The following ZBTB20 variants were observed in gnomAD, a reference collection of about 807,000 sequenced individuals.
ZBTB20 encodes zinc finger and BTB domain-containing protein 20.
A neutral mutation model predicts 56.9 loss-of-function variants in ZBTB20; 9 were observed. The observed-to-expected ratio is 0.16, with a 90% CI of 0.10 to 0.28. The LOEUF is 0.28. Among genes scored for constraint, ZBTB20 ranks in the 10% least tolerant of loss-of-function variants. The pLI is 1.00. For synonymous variants in ZBTB20, 417 were observed against 420.7 expected (o/e 0.99, Z 0.11); for missense variants, 655 against 1,003.0 (o/e 0.65, Z 4.69).
chr3:115,137,502 T>G (rs2084682948), intron 1 of ZBTB20, among the ~76,000 whole-genome samples: 1 of 152,092 alleles, frequency 6.6e-6, no homozygotes, highest in African/African-American at 2.4e-5. Flanking sequence ...ACTACTACTC[T>G]GATAGAAATG....
intron 2 of ZBTB20, among the ~76,000 whole-genome samples, chr3:114,985,766 C>G (rs994697677): frequency 6.6e-6 from 1 of 152,140 alleles, no homozygotes; most frequent in Non-Finnish European, 1.5e-5. Context: ...CTGACTATAC[C>G]TAGCCTTGAC....
Position 114,563,360 on chromosome 3 carries a change from T to A in ZBTB20, c.-294-62969A>T, listed in dbSNP as rs1193108398. ...AAAATGATGAAAATAAGGTACATTA[T>A]TAGCCTGAACTTTGCATAACTCTAA... On this transcript the variant is annotated intron_variant, in intron 6 of 11. Coordinates refer to ENST00000675478, the MANE Select transcript of ZBTB20 (RefSeq NM_001348800.3). 7.2e-5 allele frequency among the ~76,000 whole-genome samples: 11 copies of A among 152,334 alleles called. No individual in the cohort carries two copies. The East Asian group carries it at 2.1e-3, about 29-fold the overall frequency.
intron 4 of ZBTB20, among the ~76,000 whole-genome samples, chr3:114,854,481 AG>A (rs1199901134): frequency 9.9e-5 from 15 of 152,118 alleles, no homozygotes; most frequent in African/African-American, 3.6e-4. Context: ...CCTCTTCTCC[AG>A]TACATTTGTA....
intron 7 of ZBTB20, among the ~76,000 whole-genome samples, chr3:114,423,192 T>C (rs958674403): frequency 1.3e-5 from 2 of 152,192 alleles, no homozygotes; most frequent in Non-Finnish European, 2.9e-5. Context: ...CATGGAACAC[T>C]CTTTAACCAC....
intron 4 of ZBTB20, among the ~76,000 whole-genome samples, chr3:114,818,382 A>G (rs1054738719): frequency 2.6e-5 from 4 of 152,100 alleles, no homozygotes; most frequent in African/African-American, 9.7e-5. Context: ...TTGATAGTGG[A>G]AAATCAATTA....
At chr3:114,941,776 G>A (rs949364310) in intron 3 of ZBTB20, among the ~76,000 whole-genome samples, 1 of 145,920 alleles carries the variant, frequency 6.9e-6, no homozygotes, top group Non-Finnish European at 1.5e-5. Flanking sequence ...GGTCCACACT[G>A]TTCAAGTTTT....
chr3:114,904,836 A>G (rs1166269195), intron 3 of ZBTB20, among the ~76,000 whole-genome samples: 9 of 151,966 alleles, frequency 5.9e-5, no homozygotes. Context: ...AAAGTGCAAT[A>G]AAGAAGGAAA....
chr3:114,682,819 T>C (rs1204361843), intron 6 of ZBTB20, among the ~76,000 whole-genome samples: 4 of 152,226 alleles, frequency 2.6e-5, no homozygotes, highest in Non-Finnish European at 2.9e-5. Context: ...ATGACTTGAA[T>C]GTAACTCTCA....
chr3:114,465,054 A>G (rs1411279965), intron 7 of ZBTB20, among the ~76,000 whole-genome samples: 1 of 148,764 alleles, frequency 6.7e-6, no homozygotes, highest in East Asian at 2.0e-4. Context: ...GTTTTTAGGT[A>G]AAAACCTAAA....
chr3:114,442,397 T>C (rs1200240120), intron 7 of ZBTB20, among the ~76,000 whole-genome samples: 1 of 152,172 alleles, frequency 6.6e-6, no homozygotes, highest in Non-Finnish European at 1.5e-5. Flanking sequence ...GAGGAATAAA[T>C]GCTTGCATTT....
At chr3:114,777,168 G>A (rs1196854510) in intron 5 of ZBTB20, among the ~76,000 whole-genome samples, 1 of 152,044 alleles carries the variant, frequency 6.6e-6, no homozygotes, top group African/African-American at 2.4e-5. Context: ...TATTTTTAAG[G>A]TTTAACCCAA....
chr3:115,127,613 T>A (rs578256547), intron 1 of ZBTB20, among the ~76,000 whole-genome samples: 60 of 151,952 alleles, frequency 3.9e-4, no homozygotes, highest in African/African-American at 1.4e-3. Context: ...AAAATAAAAA[T>A]AAATAAATTT....
chr3:114,362,909 C>G (rs1211558815), intron 10 of ZBTB20, among the ~76,000 whole-genome samples: 1 of 152,086 alleles, frequency 6.6e-6, no homozygotes, highest in East Asian at 1.9e-4. Flanking sequence ...TATCAATCAG[C>G]ATTGATAACA....
intron 4 of ZBTB20, among the ~76,000 whole-genome samples, chr3:114,841,388 A>G (rs1281316550): frequency 1.3e-5 from 2 of 152,200 alleles, no homozygotes; most frequent in Admixed American, 6.5e-5. Flanking sequence ...CACGTTTAGT[A>G]TGACTAGAGC....
At chr3:114,433,140 A>G (rs2090242809) in intron 7 of ZBTB20, among the ~76,000 whole-genome samples, 1 of 152,174 alleles carries the variant, frequency 6.6e-6, no homozygotes, top group African/African-American at 2.4e-5. Flanking sequence ...GAGACGAGGA[A>G]ACAGAAAAAA....
At chr3:114,872,608 A>C (rs967321435) in intron 4 of ZBTB20, among the ~76,000 whole-genome samples, 2 of 151,970 alleles carry the variant, frequency 1.3e-5, no homozygotes, top group Non-Finnish European at 2.9e-5. Context: ...ATTTTTGGTA[A>C]CAAGAGTCAT....
chr3:114,456,329 T>C (rs575770742), intron 7 of ZBTB20, among the ~76,000 whole-genome samples: 28 of 152,166 alleles, frequency 1.8e-4, no homozygotes, highest in African/African-American at 6.5e-4. Context: ...CTCAGCAAGA[T>C]ATAACTTGTG....
At chr3:115,034,381 T>C (rs2080829157) in intron 2 of ZBTB20, among the ~76,000 whole-genome samples, 1 of 148,136 alleles carries the variant, frequency 6.8e-6, no homozygotes, top group Non-Finnish European at 1.5e-5. Flanking sequence ...AATAAATAAA[T>C]ACAACAAAGC....
intron 6 of ZBTB20, among the ~76,000 whole-genome samples, chr3:114,612,181 C>T (rs1209336735): frequency 6.6e-6 from 1 of 152,188 alleles, no homozygotes; most frequent in Non-Finnish European, 1.5e-5. Flanking sequence ...TTTACATCTA[C>T]AGCTAAAGTT....
Sources: gnomAD v4.1 joint callset for allele counts (sites outside exome capture counted in the v4.1 genomes callset) on GRCh38, gnomAD v4.1.1 for gene constraint, MANE v1.5 for transcripts, NCBI Gene and HGNC (gene_info 2026-07-23, HGNC 2026-07-21) for gene names.